Variants in KIF13A observed in about 807,000 individuals in gnomAD.
KIF13A encodes the protein kinesin-like protein KIF13A.
A neutral mutation model predicts 212.2 loss-of-function variants in KIF13A; 79 were observed. The ratio of observed to expected loss-of-function variants is 0.37; its 90% CI spans 0.31 to 0.45. The LOEUF (loss-of-function observed/expected upper bound fraction) is 0.45. Among genes scored for constraint, KIF13A ranks in the 20% least tolerant of loss-of-function variants. The probability of loss-of-function intolerance (pLI) is 1.00; values close to 1 mark genes in which losing one functional copy is unlikely to be tolerated. For missense variants in KIF13A, 1,901 were observed against 2,209.0 expected (o/e 0.86, Z 2.79); for synonymous variants, 789 against 808.6 (o/e 0.98, Z 0.41).
Position 17,843,356 on chromosome 6 carries a change from C to T in KIF13A, c.831-5773G>A, listed in dbSNP as rs1766706959. 6.6e-6 allele frequency among the ~76,000 whole-genome samples: 1 copy of T among 152,188 alleles called. No individual in the cohort carries two copies. Among genetic ancestry groups the T allele is most frequent in the Non-Finnish European group, 1.5e-5 (1 of 68,032 alleles). On this transcript the variant is annotated intron_variant, in intron 9 of 38. Transcript: ENST00000259711. This position sits in a 1 kb window ranked among gnomAD's most constrained non-coding sequence, Gnocchi z 5.3. Reference sequence around the variant, plus strand: ...GTGCTGGGCTAAAAACTCTATTTTCCAAAGTCCTCTCTGCAGCTTCGGGTA... The same window carrying T: ...GTGCTGGGCTAAAAACTCTATTTTCTAAAGTCCTCTCTGCAGCTTCGGGTA...
intron 4 of KIF13A, among the ~76,000 whole-genome samples, chr6:17,858,125 G>A (rs1298487036): frequency 1.7e-5 from 2 of 114,402 alleles, no homozygotes; most frequent in East Asian, 4.4e-4. Flanking sequence ...ATGCACGCAT[G>A]TGTGTGTGTG....
intron 2 of KIF13A, among the ~76,000 whole-genome samples, chr6:17,939,972 G>A (rs1388552860): frequency 1.3e-5 from 2 of 149,010 alleles, no homozygotes; most frequent in South Asian, 2.1e-4. Flanking sequence ...CCTGGGAGGC[G>A]GAGCTTGCAG....
intron 29 of KIF13A, among the ~76,000 whole-genome samples, chr6:17,782,209 A>T (rs962279928): frequency 6.6e-6 from 1 of 152,104 alleles, no homozygotes; most frequent in Non-Finnish European, 1.5e-5. Context: ...TGCTGGGATT[A>T]CAGGCATGAG....
Position 17,912,491 on chromosome 6 carries a change from C to T in KIF13A, c.147-14311G>A, listed in dbSNP as rs1164057645. Reference sequence around the variant, plus strand: ...CTCCCTGCACTTGGAGCCTGGACTTCCCTGGCTTCCAACTGTTCTCACCCT... The same window carrying T: ...CTCCCTGCACTTGGAGCCTGGACTTTCCTGGCTTCCAACTGTTCTCACCCT... On this transcript the variant is annotated intron_variant, in intron 2 of 38. Coordinates refer to ENST00000259711, the MANE Select transcript of KIF13A (RefSeq NM_022113.6). This position sits in a 1 kb window ranked among gnomAD's most constrained non-coding sequence, Gnocchi z 4.2. Among the ~76,000 whole-genome samples the T allele has an allele frequency of 1.3e-5, 2 of 152,192 alleles. No homozygotes were observed. Among genetic ancestry groups the T allele is most frequent in the Admixed American group, 1.3e-4 (2 of 15,278 alleles).
In KIF13A at chr6:17,839,858, C is replaced by T. The variant is rs1766341383; in HGVS notation, c.831-2275G>A. 6.6e-6 allele frequency among the ~76,000 whole-genome samples: 1 copy of T among 152,142 alleles called. No homozygotes were observed. The highest frequency in any genetic ancestry group is 6.5e-5 in the Admixed American group (1 of 15,274). ...TGGAACAGATTCTCCCTCTGACCTG[C>T]TAAGAGGGAACAAACCCTGCTGACC... On this transcript the variant is annotated intron_variant, in intron 9 of 38. Transcript: ENST00000259711. This position sits in a 1 kb window ranked among gnomAD's most constrained non-coding sequence, Gnocchi z 4.3.
At chr6:17,767,273 A>AGAT (rs1451192718) in intron 38 of KIF13A, among the ~76,000 whole-genome samples, 6 of 129,522 alleles carry the variant, frequency 4.6e-5, no homozygotes, top group African/African-American at 1.4e-4. Flanking sequence ...TTTTTTTTTG[A>AGAT]GACGAAGTCT....
At chr6:17,974,766 G>A (rs900875489) in intron 2 of KIF13A, among the ~76,000 whole-genome samples, 6 of 152,122 alleles carry the variant, frequency 3.9e-5, no homozygotes, top group Non-Finnish European at 8.8e-5. Context: ...GAAATTCTGT[G>A]GTGCAGCTAA....
chr6:17,781,759 T>A (rs533635417), intron 29 of KIF13A, among the ~76,000 whole-genome samples: 2 of 151,336 alleles, frequency 1.3e-5, no homozygotes, highest in Non-Finnish European at 2.9e-5. Flanking sequence ...CCTGAGTAGC[T>A]AGTACTACAG....
chr6:17,879,223 G>A (rs1020920075), intron 3 of KIF13A, among the ~76,000 whole-genome samples: 2 of 152,110 alleles, frequency 1.3e-5, no homozygotes, highest in Non-Finnish European at 2.9e-5. Flanking sequence ...GTTCTTCTGT[G>A]TGGGTCTTAC....
chr6:17,823,448 C>T (rs1764654470), intron 16 of KIF13A, among the ~76,000 whole-genome samples: 1 of 143,916 alleles, frequency 6.9e-6, no homozygotes, highest in East Asian at 2.1e-4. Flanking sequence ...CTTCCTCCCT[C>T]TCTTTTTCCT....
Position 17,879,993 on chromosome 6 carries a change from G to C in KIF13A, c.160-6556C>G, listed in dbSNP as rs150869118. ...TTTAAAAACTTTATTTTAGAGAGAG[G>C]GTCTTGCTCTGTCACCTAGGCTGGA... On this transcript the variant is annotated intron_variant, in intron 3 of 38. Transcript: ENST00000259711. Among the ~76,000 whole-genome samples the C allele has an allele frequency of 1.2e-4, 19 of 152,164 alleles. No individual in the cohort carries two copies. The East Asian group carries it at 2.1e-3, about 17-fold the overall frequency.
intron 4 of KIF13A, among the ~76,000 whole-genome samples, chr6:17,868,135 T>C (rs1240463040): frequency 6.6e-6 from 1 of 152,262 alleles, no homozygotes; most frequent in Non-Finnish European, 1.5e-5. Context: ...TTATATAATT[T>C]CTGAGTCAAC....
In KIF13A at chr6:17,967,437, T is replaced by C. The variant is rs918052767; in HGVS notation, c.146+19617A>G. On this transcript the variant is annotated intron_variant, in intron 2 of 38. Transcript: ENST00000259711. This position sits in a 1 kb window ranked among gnomAD's most constrained non-coding sequence, Gnocchi z 4.1. ...CACATTTATAATTAGAAAAAAGCTATATTAAAAACAAAGTTCTTATGAATA... is the reference window on the plus strand; with the variant it reads ...CACATTTATAATTAGAAAAAAGCTACATTAAAAACAAAGTTCTTATGAATA... 1.3e-5 allele frequency among the ~76,000 whole-genome samples: 2 copies of C among 152,208 alleles called. No homozygotes were observed. The highest frequency in any genetic ancestry group is 6.5e-5 in the Admixed American group (1 of 15,280).
At chr6:17,893,832 C>CTTTTTTTTTTTTTTTTTTTTTTT (rs139288852) in intron 3 of KIF13A, among the ~76,000 whole-genome samples, 2 of 77,332 alleles carry the variant, frequency 2.6e-5, no homozygotes, top group Non-Finnish European at 5.1e-5. Flanking sequence ...TTTCCTGCAT[C>CTTTTTTTTTTTTTTTTTTTTTTT]TTTTTTTTTT....
Position 17,814,325 on chromosome 6 carries a change from T to C in KIF13A, c.2000+2695A>G, listed in dbSNP as rs190494094. ...GTGCAGTGGCGTGATCTCAGATCACTGCAACCTCTGCCTCCCGGGTTCAAG... is the reference window on the plus strand; with the variant it reads ...GTGCAGTGGCGTGATCTCAGATCACCGCAACCTCTGCCTCCCGGGTTCAAG... On this transcript the variant is annotated intron_variant, in intron 17 of 38. Coordinates refer to ENST00000259711, the MANE Select transcript of KIF13A (RefSeq NM_022113.6). Among the ~76,000 whole-genome samples the C allele has an allele frequency of 2.9e-4, 43 of 145,768 alleles. No individual in the cohort carries two copies. In the East Asian group the frequency reaches 8.0e-3, roughly 27 times the overall value.
At chr6:17,821,701 C>A (rs1764467395) in intron 16 of KIF13A, 3 of 1,437,172 alleles carry the variant, frequency 2.1e-6, no homozygotes. Context: ...TAGATTTTTG[C>A]CAAAGCATGG....
intron 4 of KIF13A, among the ~76,000 whole-genome samples, chr6:17,866,826 CGCATATATATATATATATATAT>C (rs1311658415): frequency 0.02 from 2,485 of 122,140 alleles, 211 homozygotes; most frequent in African/African-American, 0.076. Context: ...AAAAAAGCAG[CGCATATATATATATATATATAT>C]ATATATATAT....
intron 11 of KIF13A, among the ~76,000 whole-genome samples, chr6:17,835,024 C>CA (rs765017811): frequency 2.7e-5 from 4 of 150,780 alleles, no homozygotes; most frequent in Non-Finnish European, 5.9e-5. Flanking sequence ...ACTAAAAATA[C>CA]AAAAAAAATT....
chr6:17,798,316 T>C (rs1404820875), intron 22 of KIF13A, among the ~76,000 whole-genome samples: 1 of 152,164 alleles, frequency 6.6e-6, no homozygotes, highest in Non-Finnish European at 1.5e-5. Context: ...CAGGACACAG[T>C]TAAAATTCAG....
Sources: allele counts gnomAD v4.1 joint callset (sites outside exome capture counted in the v4.1 genomes callset), GRCh38; gene constraint gnomAD v4.1.1; non-coding constraint Gnocchi (gnomAD v3.1); transcripts MANE v1.5; gene names NCBI Gene and HGNC (gene_info 2026-07-23, HGNC 2026-07-21).